The following USP50 variants were observed in gnomAD, a reference collection of about 807,000 sequenced individuals.
USP50 encodes the protein ubiquitin specific peptidase 50.
In USP50, 37 loss-of-function variants were observed where a neutral mutation model predicts 39.2. That is an observed-to-expected ratio of 0.94 (90% confidence interval 0.73 to 1.24). The LOEUF is 1.24. Among genes scored for constraint, USP50 ranks in the 50% most tolerant of loss-of-function variants. The pLI, the probability that USP50 is intolerant of heterozygous loss-of-function variation, is 0.00. For synonymous variants in USP50, 139 were observed against 144.5 expected, an observed-to-expected ratio of 0.96 and a Z score of 0.27; for missense variants, 374 against 398.2, an observed-to-expected ratio of 0.94 and a Z score of 0.52.
intron 6 of USP50, chr15:50,508,355 T>C (rs1050796775): frequency 1.3e-5 from 2 of 152,206 alleles, no homozygotes; most frequent in African/African-American, 4.8e-5. Flanking sequence ...TAAGATGAAT[T>C]GATCATTTAT....
At position 50,543,696 on chromosome 15, in the gene USP50, G is replaced by A. The variant is rs2053047675; in HGVS notation, c.346C>T (p.Leu116Phe). 6.2e-7 allele frequency: 1 copy of A among 1,612,674 alleles called. No homozygotes were observed. Among genetic ancestry groups the A allele is most frequent in the African/African-American group, 1.3e-5 (1 of 75,018 alleles). ...CVSPEIFWSA[L>F]GNLYPAFTKK... ...GTAAATGCTGGGTAGAGGTTGCCAAGAGCTGACCAGAATATTTCTGGTGAG... is the reference window on the plus strand; with the variant it reads ...GTAAATGCTGGGTAGAGGTTGCCAAAAGCTGACCAGAATATTTCTGGTGAG... The change falls in exon 3 of 7, where the codon CTT (leucine) becomes TTT (phenylalanine). Residue 116 changes from leucine (L) to phenylalanine (F), a missense_variant. Physicochemically the swap from Leu to Phe is conservative, Grantham distance 22. Coordinates refer to ENST00000532404, the MANE Select transcript of USP50 (RefSeq NM_203494.5).
downstream of USP50, chr15:50,498,682 T>C: frequency 6.2e-7 from 1 of 1,613,226 alleles, no homozygotes; most frequent in Non-Finnish European, 8.5e-7. Flanking sequence ...CAGTATGTTA[T>C]TGGTCCAAAG....
chr15:50,544,537 T>A (rs1238840492), intron 2 of USP50, 50 bp downstream of exon 2: 1 of 1,526,202 alleles, frequency 6.6e-7, no homozygotes, highest in African/African-American at 1.5e-5. Context: ...ACCTCATCTG[T>A]GGGGAAGTGG....
chr15:50,542,462 G>A (rs190582222), intron 3 of USP50, among the ~76,000 whole-genome samples: 1 of 107,944 alleles, frequency 9.3e-6, no homozygotes, highest in African/African-American at 3.3e-5. Flanking sequence ...ATATGTTTTT[G>A]TTTTTTTTTT....
chr15:50,520,517 C>T (rs575060282), intron 6 of USP50, among the ~76,000 whole-genome samples: 1 of 152,028 alleles, frequency 6.6e-6, no homozygotes, highest in African/African-American at 2.4e-5. Context: ...TCAGGCTGGT[C>T]TCAAACTCCT....
downstream of USP50, chr15:50,493,399 G>GTACT: frequency 1.9e-6 from 1 of 519,082 alleles, no homozygotes; most frequent in Non-Finnish European, 3.8e-6. Context: ...TCAAACCATA[G>GTACT]TACTTACCAC....
In USP50 at chr15:50,541,134, A is replaced by C. The variant is rs775409364; in HGVS notation, c.575T>G (p.Leu192Ter). The C allele has an allele frequency of 1.9e-6, 3 of 1,613,864 alleles. No individual in the cohort carries two copies. Among genetic ancestry groups the C allele is most frequent in the Non-Finnish European group, 2.5e-6 (3 of 1,179,888 alleles). ...EEQLNYSIVC[L>*]KCEKCTYKNE... The stretch of plus-strand genomic sequence containing the variant: ...CTTGTAGGTGCATTTCTCACACTTT[A>C]AACATACGATGCTATAATTGAGCTG... Residue 192 changes from leucine (L) to a stop codon, truncating the protein, a stop_gained, in exon 4 of 7, where the codon TTA (leucine) becomes TGA (stop). Transcript: ENST00000532404. LOFTEE classifies it high-confidence loss of function.
intron 6 of USP50, among the ~76,000 whole-genome samples, chr15:50,518,306 C>A (rs769627349): frequency 5.9e-5 from 9 of 151,672 alleles, no homozygotes; most frequent in Admixed American, 2.0e-4. Context: ...CTGCAAGTTC[C>A]GTCTCCTGGG....
chr15:50,517,241 C>T (rs1028646345), intron 6 of USP50, among the ~76,000 whole-genome samples: 5 of 152,050 alleles, frequency 3.3e-5, no homozygotes, highest in African/African-American at 1.2e-4. Flanking sequence ...GAGGCTGAGG[C>T]AGGTGGATCA....
intron 5 of USP50, among the ~76,000 whole-genome samples, chr15:50,536,180 A>G (rs2052978765): frequency 6.6e-6 from 1 of 152,248 alleles, no homozygotes; most frequent in African/African-American, 2.4e-5. Context: ...GAAGTAAGAA[A>G]TAAAACCGTC....
At chr15:50,532,435 G>A (rs2052948351) in intron 5 of USP50, among the ~76,000 whole-genome samples, 1 of 152,026 alleles carries the variant, frequency 6.6e-6, no homozygotes, top group South Asian at 2.1e-4. Context: ...ACTGAGCAGC[G>A]CTTGTGAAGT....
chr15:50,546,376 G>T, intron 1 of USP50, 97 bp downstream of exon 1: 1 of 1,331,194 alleles, frequency 7.5e-7, no homozygotes, highest in East Asian at 2.3e-5. Context: ...ACACCTGGGA[G>T]AACCCTCCTG....
At chr15:50,535,756 A>T (rs528495468) in intron 5 of USP50, among the ~76,000 whole-genome samples, 1 of 152,164 alleles carries the variant, frequency 6.6e-6, no homozygotes, top group Non-Finnish European at 1.5e-5. Flanking sequence ...TCTACAAAAA[A>T]ATTTTAAAAA....
At chr15:50,524,028 T>C (rs768934052) in intron 6 of USP50, among the ~76,000 whole-genome samples, 7 of 152,252 alleles carry the variant, frequency 4.6e-5, no homozygotes, top group Non-Finnish European at 7.4e-5. Flanking sequence ...GAACATACAA[T>C]AGGGCAAGGA....
chr15:50,504,077 G>A (rs2052625880), intron 6 of USP50: 1 of 151,984 alleles, frequency 6.6e-6, no homozygotes, highest in Non-Finnish European at 1.5e-5. Context: ...TAATGTGATG[G>A]GAAAGATTTG....
chr15:50,514,904 G>A lies in USP50; in HGVS notation c.937-14067C>T, dbSNP rs1028937766. On this transcript the variant is annotated intron_variant, in intron 6 of 6. Transcript: ENST00000532404. Reference sequence around the variant, plus strand: ...CCAACCACTCAGGAGGCTGAGATGCGAGAATCACTTGAGCTCAGGTGGTGG... The same window carrying A: ...CCAACCACTCAGGAGGCTGAGATGCAAGAATCACTTGAGCTCAGGTGGTGG... Among the ~76,000 whole-genome samples, 6 of 149,422 alleles carry A rather than the reference G, an allele frequency of 4.0e-5. No individual in the cohort carries two copies. The South Asian group carries it at 6.3e-4, about 16-fold the overall frequency.
At chr15:50,499,094 CAT>C, downstream of USP50, 1 of 1,587,808 alleles carries the variant, frequency 6.3e-7, no homozygotes, top group South Asian at 1.1e-5. Context: ...CATAAGGAGA[CAT>C]AGGTTATAAA....
At chr15:50,526,219 C>T (rs563322796) in intron 6 of USP50, among the ~76,000 whole-genome samples, 3 of 152,208 alleles carry the variant, frequency 2.0e-5, no homozygotes, top group South Asian at 2.1e-4. Context: ...CCACCATGCT[C>T]TGCTAACTTC....
downstream of USP50, chr15:50,493,666 G>A (rs1435107729): frequency 1.3e-5 from 5 of 372,560 alleles, no homozygotes; most frequent in Admixed American, 1.1e-4. Flanking sequence ...GATCACCTGA[G>A]CCCAGAAGGT....
Sources: allele counts gnomAD v4.1 joint callset (sites outside exome capture counted in the v4.1 genomes callset), GRCh38; gene constraint gnomAD v4.1.1; transcripts MANE v1.5; gene names NCBI Gene and HGNC (gene_info 2026-07-23, HGNC 2026-07-21).